STK33: variants seen among roughly 807,000 people sequenced by gnomAD.
STK33 encodes the protein serine/threonine kinase 33.
A neutral mutation model predicts 58.0 loss-of-function variants in STK33; 52 were observed. That is an observed-to-expected ratio of 0.90 (90% CI 0.72 to 1.13). The LOEUF (loss-of-function observed/expected upper bound fraction) is 1.13, where lower values mean the gene tolerates loss of function less well. STK33 is among the 50% of genes most tolerant of loss of function. STK33 has a pLI of 0.00. For synonymous variants in STK33, 215 were observed against 200.1 expected, an observed-to-expected ratio of 1.07 and a Z score of -0.63; for missense variants, 630 against 604.2, an observed-to-expected ratio of 1.04 and a Z score of -0.45.
intron 11 of STK33, among the ~76,000 whole-genome samples, chr11:8,451,141 C>T (rs1308294348): frequency 1.3e-5 from 2 of 152,036 alleles, no homozygotes; most frequent in African/African-American, 2.4e-5. Flanking sequence ...GGGAAGGTAA[C>T]GATCATTTTG....
intron 1 of STK33, among the ~76,000 whole-genome samples, chr11:8,592,767 C>T (rs1200435492): frequency 6.6e-6 from 1 of 152,072 alleles, no homozygotes; most frequent in Non-Finnish European, 1.5e-5. Context: ...AGAGTTTTGT[C>T]TTTATTCTAA....
At chr11:8,434,939 TC>T (rs1943881450) in intron 14 of STK33, among the ~76,000 whole-genome samples, 1 of 152,194 alleles carries the variant, frequency 6.6e-6, no homozygotes, top group South Asian at 2.1e-4. Context: ...AGTAGCCTTT[TC>T]CAAAGTTCCT....
At chr11:8,387,641 A>C (rs193217364), downstream of STK33, among the ~76,000 whole-genome samples, 16 of 152,342 alleles carry the variant, frequency 1.1e-4, no homozygotes, top group African/African-American at 3.8e-4. Flanking sequence ...GATCCCATCC[A>C]CTATTATAGC....
At chr11:8,515,504 A>AC (rs1952696053) in intron 1 of STK33, among the ~76,000 whole-genome samples, 1 of 152,190 alleles carries the variant, frequency 6.6e-6, no homozygotes, top group East Asian at 1.9e-4. Context: ...TTAGCCCGAT[A>AC]CCAAAGCCAG....
At chr11:8,428,822 T>C (rs1460282303) in intron 14 of STK33, among the ~76,000 whole-genome samples, 1 of 152,186 alleles carries the variant, frequency 6.6e-6, no homozygotes, top group African/African-American at 2.4e-5. Context: ...TACTGTTATG[T>C]TTAGTAATTC....
intron 1 of STK33, among the ~76,000 whole-genome samples, chr11:8,544,759 C>T (rs969250710): frequency 2.6e-5 from 4 of 152,226 alleles, no homozygotes; most frequent in African/African-American, 7.2e-5. Context: ...TTTTAAAATG[C>T]TTCTAGCCAA....
At chr11:8,477,472 A>T (rs1444817750) in intron 2 of STK33, among the ~76,000 whole-genome samples, 189 bp from the exon 3 acceptor site, 1 of 152,114 alleles carries the variant, frequency 6.6e-6, no homozygotes, top group Non-Finnish European at 1.5e-5. Context: ...AAGAATATTG[A>T]TTTTATGGTA....
intron 6 of STK33, among the ~76,000 whole-genome samples, chr11:8,469,871 G>A (rs1181562809): frequency 1.3e-5 from 2 of 152,234 alleles, no homozygotes; most frequent in Non-Finnish European, 2.9e-5. Flanking sequence ...ACATTTTTGT[G>A]AGAAGTAGGT....
chr11:8,481,944 A>G (rs10840061), intron 1 of STK33, among the ~76,000 whole-genome samples: 14,584 of 152,218 alleles, frequency 0.096, 1,661 homozygotes, highest in African/African-American at 0.28. Context: ...AAATATCAAT[A>G]TTTTTGCAGA....
intron 1 of STK33, among the ~76,000 whole-genome samples, chr11:8,497,106 C>T (rs889173584): frequency 3.9e-5 from 6 of 152,082 alleles, no homozygotes; most frequent in African/African-American, 1.4e-4. Context: ...GATTCAGAGA[C>T]ACCTGTGGGA....
rs373483006 is a variant in STK33, at chr11:8,574,796, T to C, written c.-466+19287A>G. 2.1e-3 allele frequency among the ~76,000 whole-genome samples: 323 copies of C among 151,954 alleles called. 2 individuals carry two copies. The highest frequency in any genetic ancestry group is 7.4e-3 in the African/African-American group (307 of 41,426). On this transcript the variant is annotated intron_variant, in intron 1 of 15. Coordinates refer to ENST00000687296, the MANE Select transcript of STK33 (RefSeq NM_001352389.2). ...GCTCATGCCTGTAATCCCAACACTT[T>C]GGGGTGCCAGGCCAGGAGAATTGCC... is the stretch of plus-strand genomic sequence containing the variant.
intron 1 of STK33, among the ~76,000 whole-genome samples, chr11:8,542,743 C>T (rs562272773): frequency 6.6e-6 from 1 of 151,982 alleles, no homozygotes; most frequent in African/African-American, 2.4e-5. Flanking sequence ...TTTTTTAAGA[C>T]ACTCTGTCAC....
intron 1 of STK33, among the ~76,000 whole-genome samples, chr11:8,574,417 T>A (rs1159250314): frequency 6.6e-6 from 1 of 152,082 alleles, no homozygotes. Flanking sequence ...AAAAAGATAA[T>A]CAGAATAGCC....
At chr11:8,391,384 G>A (rs1291033143), downstream of STK33, among the ~76,000 whole-genome samples, 4 of 152,204 alleles carry the variant, frequency 2.6e-5, no homozygotes, top group African/African-American at 7.2e-5. Context: ...AGAACCACGT[G>A]GGGCAACACA....
At chr11:8,547,404 A>C (rs753993501) in intron 1 of STK33, among the ~76,000 whole-genome samples, 6 of 151,974 alleles carry the variant, frequency 3.9e-5, no homozygotes, top group Non-Finnish European at 5.9e-5. Context: ...CCTAGAGATG[A>C]GGTTTCACCA....
intron 1 of STK33, among the ~76,000 whole-genome samples, chr11:8,516,916 C>G (rs1952848076): frequency 1.3e-5 from 2 of 152,114 alleles, no homozygotes; most frequent in African/African-American, 4.8e-5. Context: ...CAGGGCATAG[C>G]TGAAAAAAAG....
At chr11:8,449,429 T>C (rs1242254509) in intron 11 of STK33, among the ~76,000 whole-genome samples, 1 of 151,632 alleles carries the variant, frequency 6.6e-6, no homozygotes, top group Non-Finnish European at 1.5e-5. Flanking sequence ...GTGGCACATA[T>C]ACACTATGGA....
intron 7 of STK33, 22 bp from the exon 8 acceptor site, chr11:8,461,931 G>A (rs1316181816): frequency 6.5e-7 from 1 of 1,536,304 alleles, no homozygotes; most frequent in Non-Finnish European, 8.8e-7. Context: ...AAGAAACACA[G>A]ATTTCACATA....
the STK33 span, among the ~76,000 whole-genome samples, chr11:8,362,466 G>A: frequency 5.3e-5 from 8 of 152,170 alleles, no homozygotes; most frequent in South Asian, 2.1e-4. Flanking sequence ...GGGGCTGATC[G>A]GGAAATATAT....
Sources: gnomAD v4.1 joint callset for allele counts (sites outside exome capture counted in the v4.1 genomes callset) on GRCh38, gnomAD v4.1.1 for gene constraint, MANE v1.5 for transcripts, NCBI Gene and HGNC (gene_info 2026-07-23, HGNC 2026-07-21) for gene names.